Variants in TCEANC2 observed in about 807,000 individuals in gnomAD.
TCEANC2 encodes the protein transcription elongation factor A N-terminal and central domain containing 2, also known as transcription elongation factor A N-terminal and central domain-containing protein 2.
In TCEANC2, 20 loss-of-function variants were observed where a neutral mutation model predicts 22.8. The ratio of observed to expected loss-of-function variants is 0.88; its 90% CI spans 0.62 to 1.28. The LOEUF is 1.28. Ranked by LOEUF, TCEANC2 falls within the 50% of genes most tolerant of loss-of-function variation. The pLI is 0.00. For synonymous variants in TCEANC2, 84 were observed against 95.5 expected (o/e 0.88, Z 0.70); for missense variants, 251 against 249.7 (o/e 1.01, Z -0.03).
chr1:54,109,690 T>G (rs1468093684), downstream of TCEANC2, among the ~76,000 whole-genome samples: 1 of 152,224 alleles, frequency 6.6e-6, no homozygotes, highest in East Asian at 1.9e-4. Context: ...TCTATACACA[T>G]GCACTGACTG....
At chr1:54,074,040 C>T (rs1169692112) in intron 3 of TCEANC2, among the ~76,000 whole-genome samples, 1 of 152,172 alleles carries the variant, frequency 6.6e-6, no homozygotes, top group African/African-American at 2.4e-5. Flanking sequence ...CCATTTTAGA[C>T]TTATTCTGTG....
Position 54,097,065 on chromosome 1 carries a change from C to A in TCEANC2, c.*592C>A. On this transcript the variant is annotated 3_prime_UTR_variant, in exon 5 of 5. Coordinates refer to ENST00000234827, the MANE Select transcript of TCEANC2 (RefSeq NM_153035.3). ...TGCGTTGGTCTCCAGAGCCCCCATG[C>A]TGAGGCTACTAATGAGGAACTGGCC... 1.2e-6 allele frequency: 1 copy of A among 867,906 alleles called. No homozygotes were observed. The highest frequency in any genetic ancestry group is 1.4e-6 in the Non-Finnish European group (1 of 722,406). 53.8% of individuals were successfully genotyped at this position (867,906 alleles called of 1,614,324 possible).
chr1:54,079,706 C>G (rs1425405186), intron 3 of TCEANC2, among the ~76,000 whole-genome samples: 1 of 152,176 alleles, frequency 6.6e-6, no homozygotes, highest in Admixed American at 6.5e-5. Flanking sequence ...GCTAATTTCT[C>G]CATCTCAGGG....
rs913345820 is a variant in TCEANC2, at chr1:54,096,034, A to T, written c.439-251A>T. On this transcript the variant is annotated intron_variant, in intron 4 of 4. Transcript: ENST00000234827. The surrounding 1 kb of genome is among the most constrained non-coding windows in gnomAD (Gnocchi z 4.9). ...GGGCCCAGTACCCGTTGCTTAGTTCAGGCCAGTTTCCTGTTATATTACCAC... is the reference window on the plus strand; with the variant it reads ...GGGCCCAGTACCCGTTGCTTAGTTCTGGCCAGTTTCCTGTTATATTACCAC... Among the ~76,000 whole-genome samples, 1 of 152,174 alleles carries T rather than the reference A, an allele frequency of 6.6e-6. No homozygotes were observed. The highest frequency in any genetic ancestry group is 1.5e-5 in the Non-Finnish European group (1 of 68,034).
In TCEANC2 at chr1:54,104,803, A is replaced by C. The variant is rs1447956017; in HGVS notation, c.*8330A>C. The C allele has an allele frequency of 1.0e-5, 4 of 400,996 alleles. No homozygotes were observed. Among genetic ancestry groups the C allele is most frequent in the African/African-American group, 2.1e-5 (1 of 48,092 alleles). 24.8% of individuals were successfully genotyped at this position (400,996 alleles called of 1,614,324 possible). On this transcript the variant is annotated 3_prime_UTR_variant, in exon 5 of 5. Coordinates refer to ENST00000234827, the MANE Select transcript of TCEANC2 (RefSeq NM_153035.3). Reference sequence around the variant, plus strand: ...GCAGTCCACCTGCCTCAGCTTCCCAAAGTGCTGGGATTACAGGCGTGAGCC... The same window carrying C: ...GCAGTCCACCTGCCTCAGCTTCCCACAGTGCTGGGATTACAGGCGTGAGCC...
Position 54,098,720 on chromosome 1 carries a change from CAGTAT to C in TCEANC2, c.*2249_*2253del. The C allele has an allele frequency of 6.6e-6, 1 of 152,230 alleles. No individual in the cohort carries two copies. Among genetic ancestry groups the C allele is most frequent in the African/African-American group, 2.4e-5 (1 of 41,530 alleles). 9.4% of individuals were successfully genotyped at this position (152,230 alleles called of 1,614,324 possible). ...AGTTGAGTGACTGGTTGTGGATGTACAGTATAAGCATCTAATTCAATCAGGGAGTG... is the reference window on the plus strand; with the variant it reads ...AGTTGAGTGACTGGTTGTGGATGTACAAGCATCTAATTCAATCAGGGAGTG... On this transcript the variant is annotated 3_prime_UTR_variant, in exon 5 of 5. Transcript: ENST00000234827.
chr1:54,096,800 C>T lies in TCEANC2; in HGVS notation c.*327C>T, dbSNP rs1658566036. 1.9e-6 allele frequency: 2 copies of T among 1,039,638 alleles called. No homozygotes were observed. The highest frequency in any genetic ancestry group is 3.4e-5 in the African/African-American group (2 of 59,652). The allele number at this position is 1,039,638 out of a possible 1,614,324, so 64.4% of individuals were successfully genotyped here. On this transcript the variant is annotated 3_prime_UTR_variant, in exon 5 of 5. Coordinates refer to ENST00000234827, the MANE Select transcript of TCEANC2 (RefSeq NM_153035.3). The surrounding 1 kb of genome is among the most constrained non-coding windows in gnomAD (Gnocchi z 4.9). ...GCCAAGGACACCTCTAAACTTCCCC[C>T]ATGTCAGTCAGATGAAGTTACTACT...
At chr1:54,056,839 C>G (rs1347729586) in intron 2 of TCEANC2, among the ~76,000 whole-genome samples, 1 of 151,856 alleles carries the variant, frequency 6.6e-6, no homozygotes, top group Admixed American at 6.6e-5. Flanking sequence ...CCCAGGAGTC[C>G]GAGATCAGCC....
chr1:54,059,931 C>A lies in TCEANC2; in HGVS notation c.102+5407C>A, dbSNP rs146717866. Among the ~76,000 whole-genome samples, 203 of 152,282 alleles carry A rather than the reference C, an allele frequency of 1.3e-3. 2 individuals carry two copies. The highest frequency in any genetic ancestry group is 4.7e-3 in the African/African-American group (194 of 41,548). On this transcript the variant is annotated intron_variant, in intron 2 of 4. Coordinates refer to ENST00000234827, the MANE Select transcript of TCEANC2 (RefSeq NM_153035.3). ...GAGAAACTTAAGATCAAAATACAAA[C>A]CCTCATGAAACTTCCTGAAAAGTGA... is the stretch of plus-strand genomic sequence containing the variant.
rs150858283 is a variant in TCEANC2 at position 54,096,323 on chromosome 1, G to C, written c.477G>C (p.Thr159=). The C allele has an allele frequency of 8.4e-5, 135 of 1,602,540 alleles. No individual in the cohort carries two copies. Among genetic ancestry groups the C allele is most frequent in the Non-Finnish European group, 1.1e-4 (129 of 1,170,280 alleles). ...TGGTTGAAAATATTGAACGGGAAAC[G>C]TTTCATCTCTGCTCCCGCCTCATTA... ...HLLVENIERE[T]FHLCSRLING... is the part of the protein sequence containing the mutation. The change falls in exon 5 of 5, where the codon ACG becomes ACC. Residue 159 remains threonine (T), a synonymous_variant. Coordinates refer to ENST00000234827, the MANE Select transcript of TCEANC2 (RefSeq NM_153035.3). The surrounding 1 kb of genome is among the most constrained non-coding windows in gnomAD (Gnocchi z 4.9).
intron 3 of TCEANC2, among the ~76,000 whole-genome samples, chr1:54,069,118 C>T (rs1241850024): frequency 6.6e-6 from 1 of 151,802 alleles, no homozygotes; most frequent in African/African-American, 2.4e-5. Context: ...AAATACAAGC[C>T]CCAGTTTTTA....
At chr1:54,060,120 A>T (rs1353560229) in intron 2 of TCEANC2, among the ~76,000 whole-genome samples, 1 of 151,954 alleles carries the variant, frequency 6.6e-6, no homozygotes, top group African/African-American at 2.4e-5. Context: ...ACCAAAAAAA[A>T]TTAGCAGCCA....
At chr1:54,078,244 G>C (rs942373961) in intron 3 of TCEANC2, among the ~76,000 whole-genome samples, 3 of 151,948 alleles carry the variant, frequency 2.0e-5, no homozygotes, top group Admixed American at 1.3e-4. Flanking sequence ...GTAAATGTCA[G>C]TGTCATAACC....
chr1:54,107,391 G>C (rs1016662529), downstream of TCEANC2, among the ~76,000 whole-genome samples: 18 of 152,142 alleles, frequency 1.2e-4, no homozygotes, highest in African/African-American at 4.3e-4. Flanking sequence ...CTAGCCCTGA[G>C]TGCTTGGTTA....
chr1:54,089,190 A>G (rs1473161649), intron 4 of TCEANC2, among the ~76,000 whole-genome samples: 1 of 152,258 alleles, frequency 6.6e-6, no homozygotes, highest in East Asian at 1.9e-4. Context: ...TATATGCAAA[A>G]GAATAGTAGT....
intron 3 of TCEANC2, among the ~76,000 whole-genome samples, chr1:54,069,658 C>T (rs903811903): frequency 2.7e-5 from 4 of 148,794 alleles, no homozygotes; most frequent in Admixed American, 6.7e-5. Flanking sequence ...AGCATATAGA[C>T]AAATGGGAAC....
intron 3 of TCEANC2, among the ~76,000 whole-genome samples, chr1:54,077,097 T>C (rs1658157683): frequency 6.6e-6 from 1 of 152,068 alleles, no homozygotes; most frequent in Non-Finnish European, 1.5e-5. Flanking sequence ...AGAAATGAAA[T>C]AGCTCCTTAG....
chr1:54,058,783 A>C (rs1220902922), intron 2 of TCEANC2, among the ~76,000 whole-genome samples: 1 of 152,122 alleles, frequency 6.6e-6, no homozygotes, highest in African/African-American at 2.4e-5. Context: ...CAGCCTCCCA[A>C]GTAGCTAAGA....
chr1:54,060,404 C>CAA (rs1204211675), intron 2 of TCEANC2, among the ~76,000 whole-genome samples: 10 of 127,434 alleles, frequency 7.8e-5, no homozygotes, highest in African/African-American at 2.0e-4. Flanking sequence ...GACTCCATCT[C>CAA]AAAAAAAAAA....
Sources: gnomAD v4.1 joint callset for allele counts (sites outside exome capture counted in the v4.1 genomes callset) on GRCh38, gnomAD v4.1.1 for gene constraint, Gnocchi (gnomAD v3.1) non-coding constraint, MANE v1.5 for transcripts, NCBI Gene and HGNC (gene_info 2026-07-23, HGNC 2026-07-21) for gene names.